TUBGCP3: variants seen among roughly 807,000 people sequenced by gnomAD.
TUBGCP3 encodes the protein tubulin gamma complex component 3.
TUBGCP3 carries 50 observed loss-of-function variants against 123.1 expected under a neutral mutation model. The ratio of observed to expected loss-of-function variants is 0.41; its 90% CI spans 0.32 to 0.51. The LOEUF is 0.51. Ranked by LOEUF, TUBGCP3 falls within the 20% of genes least tolerant of loss-of-function variation. The pLI, the probability that TUBGCP3 is intolerant of heterozygous loss-of-function variation, is 0.36. For synonymous variants in TUBGCP3, 405 were observed against 413.9 expected (o/e 0.98, Z 0.26); for missense variants, 882 against 1,127.0 (o/e 0.78, Z 3.11).
Position 112,554,190 on chromosome 13 carries a change from G to T in TUBGCP3, c.841-8C>A. The stretch of plus-strand genomic sequence containing the variant: ...AGACCTACTTAGATTTGCCTAAAAA[G>T]TAAATACATCAAATGTTAAACATTA... On this transcript the variant is annotated splice_polypyrimidine_tract_variant and splice_region_variant and intron_variant, in intron 7 of 21. Coordinates refer to ENST00000261965, the MANE Select transcript of TUBGCP3 (RefSeq NM_006322.6). 1.2e-6 allele frequency: 2 copies of T among 1,612,458 alleles called. No individual in the cohort carries two copies. The highest frequency in any genetic ancestry group is 1.7e-6 in the Non-Finnish European group (2 of 1,179,598).
At chr13:112,569,911 G>A (rs572157028) in intron 1 of TUBGCP3, among the ~76,000 whole-genome samples, 28 of 152,256 alleles carry the variant, frequency 1.8e-4, no homozygotes, top group Non-Finnish European at 3.1e-4. Flanking sequence ...CTAAATGTCC[G>A]TCAAGTTAAG....
At chr13:112,518,506 C>G (rs1876348632) in intron 16 of TUBGCP3, among the ~76,000 whole-genome samples, 1 of 152,130 alleles carries the variant, frequency 6.6e-6, no homozygotes, top group South Asian at 2.1e-4. Context: ...CCTGGTCAGC[C>G]TTTTATAATG....
At chr13:112,571,241 T>C (rs1367681094) in intron 1 of TUBGCP3, among the ~76,000 whole-genome samples, 1 of 152,238 alleles carries the variant, frequency 6.6e-6, no homozygotes, top group African/African-American at 2.4e-5. Context: ...TCACTATCTA[T>C]GGCAACTATA....
chr13:112,488,709 C>A (rs1879852773), intron 21 of TUBGCP3, among the ~76,000 whole-genome samples: 1 of 141,942 alleles, frequency 7.0e-6, no homozygotes, highest in Non-Finnish European at 1.5e-5. Flanking sequence ...CCACACCCAC[C>A]ACAGGGGAGC....
chr13:112,552,650 C>T (rs572700736), intron 8 of TUBGCP3, among the ~76,000 whole-genome samples: 3 of 152,350 alleles, frequency 2.0e-5, no homozygotes, highest in East Asian at 1.9e-4. Context: ...GGCAAGATGA[C>T]GTGACCATTA....
chr13:112,541,160 C>A (rs368362278), intron 11 of TUBGCP3, among the ~76,000 whole-genome samples: 1 of 152,128 alleles, frequency 6.6e-6, no homozygotes, highest in African/African-American at 2.4e-5. Flanking sequence ...ATTACTATCA[C>A]GAAAGGAAAT....
rs1878906899 is a variant in TUBGCP3, at chr13:112,545,462, T to C, written c.1335+237A>G. 10 of 458,134 alleles carry C rather than the reference T, an allele frequency of 2.2e-5. No individual in the cohort carries two copies. In the South Asian group the frequency reaches 3.4e-4, roughly 16 times the overall value. The allele number at this position is 458,134 out of a possible 1,614,324, so 28.4% of individuals were successfully genotyped here. On this transcript the variant is annotated intron_variant, in intron 11 of 21. Transcript: ENST00000261965. This position sits in a 1 kb window ranked among gnomAD's most constrained non-coding sequence, Gnocchi z 4.1. ...GTAAACTCGGACGAGTGATTCCACC[T>C]TGCTGAGGAATAAACTGGGACAATT...
intron 9 of TUBGCP3, 104 bp downstream of exon 9, chr13:112,548,004 G>A: frequency 2.1e-6 from 2 of 938,132 alleles, no homozygotes; most frequent in South Asian, 2.4e-5. Flanking sequence ...AAATATTGCT[G>A]TATTTTAAAA....
intron 5 of TUBGCP3, 70 bp downstream of exon 5, chr13:112,558,126 C>A: frequency 6.7e-7 from 1 of 1,490,410 alleles, no homozygotes. Flanking sequence ...ACATCAATGT[C>A]TGGTTAACAG....
intron 21 of TUBGCP3, among the ~76,000 whole-genome samples, chr13:112,488,194 G>A (rs556226985): frequency 4.0e-5 from 6 of 150,002 alleles, no homozygotes; most frequent in African/African-American, 1.5e-4. Context: ...CACAGAAAGA[G>A]CGAGTGCGGT....
At chr13:112,497,069 A>C (rs1449714129) in intron 20 of TUBGCP3, among the ~76,000 whole-genome samples, 2 of 152,164 alleles carry the variant, frequency 1.3e-5, no homozygotes, top group Non-Finnish European at 2.9e-5. Flanking sequence ...TTCTTGGGGC[A>C]CGTGGGCAGT....
At chr13:112,499,748 T>C (rs1880775265) in intron 19 of TUBGCP3, among the ~76,000 whole-genome samples, 1 of 152,206 alleles carries the variant, frequency 6.6e-6, no homozygotes, top group Non-Finnish European at 1.5e-5. Flanking sequence ...AAACTCCTAA[T>C]GTTTTAAACA....
intron 1 of TUBGCP3, among the ~76,000 whole-genome samples, chr13:112,572,353 A>G (rs1881471530): frequency 6.6e-6 from 1 of 152,182 alleles, no homozygotes; most frequent in African/African-American, 2.4e-5. Flanking sequence ...GGTTTGTTAC[A>G]TAGGTATACG....
intron 20 of TUBGCP3, among the ~76,000 whole-genome samples, chr13:112,491,296 T>C (rs1465812173): frequency 6.6e-6 from 1 of 152,256 alleles, no homozygotes; most frequent in Non-Finnish European, 1.5e-5. Flanking sequence ...TATTTCCTTA[T>C]TTATGTGCAT....
At chr13:112,546,077 T>C in intron 10 of TUBGCP3, 1 of 509,600 alleles carries the variant, frequency 2.0e-6, no homozygotes, top group South Asian at 3.3e-5. Context: ...TTTACACAAG[T>C]GTGTGAGTCA....
At position 112,503,110 on chromosome 13, in the gene TUBGCP3, G is replaced by A. The variant is rs1260184848; in HGVS notation, c.2307+922C>T. Among the ~76,000 whole-genome samples the A allele has an allele frequency of 2.0e-5, 3 of 152,240 alleles. No homozygotes were observed. In the East Asian group the frequency reaches 5.8e-4, roughly 29 times the overall value. ...GAGGAGAGTGCAGGCCCAGCTGGAG[G>A]CAGCCCCTGCCAGTCGGAAACATCC... On this transcript the variant is annotated intron_variant, in intron 19 of 21. Transcript: ENST00000261965.
chr13:112,553,924 C>G, intron 8 of TUBGCP3, 133 bp downstream of exon 8: 2 of 1,407,874 alleles, frequency 1.4e-6, no homozygotes, highest in Non-Finnish European at 9.6e-7. Flanking sequence ...TGAGTGGACC[C>G]TGAAAGTTGA....
chr13:112,584,338 G>T (rs1882465458), intron 1 of TUBGCP3, among the ~76,000 whole-genome samples: 1 of 152,128 alleles, frequency 6.6e-6, no homozygotes, highest in African/African-American at 2.4e-5. Flanking sequence ...TTAACTTATT[G>T]AAAAATAGTA....
chr13:112,502,345 A>G (rs757723402), intron 19 of TUBGCP3, among the ~76,000 whole-genome samples: 11 of 152,186 alleles, frequency 7.2e-5, no homozygotes, highest in Non-Finnish European at 1.6e-4. Context: ...CCAACAGCAC[A>G]CGGGTCTAGG....
Sources: allele counts gnomAD v4.1 joint callset (sites outside exome capture counted in the v4.1 genomes callset), GRCh38; gene constraint gnomAD v4.1.1; non-coding constraint Gnocchi (gnomAD v3.1); transcripts MANE v1.5; gene names NCBI Gene and HGNC (gene_info 2026-07-23, HGNC 2026-07-21).